Variants in PLXNA2 observed in about 807,000 individuals in gnomAD.
PLXNA2 encodes the protein plexin A2, also known as plexin-A2.
In PLXNA2, 91 loss-of-function variants were observed where a neutral mutation model predicts 193.5. That is an observed-to-expected ratio of 0.47 (90% confidence interval 0.40 to 0.56). The LOEUF (loss-of-function observed/expected upper bound fraction) is 0.56. Ranked by LOEUF, PLXNA2 falls within the 20% of genes least tolerant of loss-of-function variation. The probability of loss-of-function intolerance (pLI) is 0.00; values close to 1 mark genes in which losing one functional copy is unlikely to be tolerated. For missense variants in PLXNA2, 1,995 were observed against 2,503.2 expected (o/e 0.80, Z 4.33); for synonymous variants, 997 against 1,027.3 (o/e 0.97, Z 0.56).
At chr1:208,076,806 A>G (rs1325839033) in intron 12 of PLXNA2, among the ~76,000 whole-genome samples, 1 of 152,226 alleles carries the variant, frequency 6.6e-6, no homozygotes, top group Non-Finnish European at 1.5e-5. Context: ...GCAGAATATT[A>G]ATAAGGCACG....
chr1:208,057,806 G>A (rs570150585), intron 13 of PLXNA2, among the ~76,000 whole-genome samples: 5 of 152,188 alleles, frequency 3.3e-5, no homozygotes, highest in Non-Finnish European at 7.3e-5. Context: ...GGGGGCTTCC[G>A]GAGGCACCTT....
intron 12 of PLXNA2, among the ~76,000 whole-genome samples, chr1:208,072,030 G>A (rs777841725): frequency 8.5e-5 from 13 of 152,214 alleles, no homozygotes; most frequent in Non-Finnish European, 1.3e-4. Flanking sequence ...TTGTGAAAGT[G>A]GAGAACAGGA....
intron 28 of PLXNA2, 88 bp downstream of exon 28, chr1:208,033,231 C>T: frequency 3.2e-6 from 4 of 1,257,496 alleles, no homozygotes; most frequent in Non-Finnish European, 4.6e-6. Flanking sequence ...TCTTGAAGGA[C>T]ACACTCCAGA....
At chr1:208,075,268 C>T (rs190931620) in intron 12 of PLXNA2, among the ~76,000 whole-genome samples, 1 of 151,600 alleles carries the variant, frequency 6.6e-6, no homozygotes, top group Non-Finnish European at 1.5e-5. Flanking sequence ...CAAGATCACA[C>T]CACTGCACTT....
chr1:208,096,948 C>T, intron 6 of PLXNA2, 65 bp from the exon 7 acceptor site: 2 of 1,501,318 alleles, frequency 1.3e-6, no homozygotes, highest in Non-Finnish European at 1.8e-6. Flanking sequence ...CCAGGTCCAG[C>T]CCTGCTGTGA....
chr1:208,053,591 A>G (rs990975797), intron 14 of PLXNA2, among the ~76,000 whole-genome samples: 2 of 152,184 alleles, frequency 1.3e-5, no homozygotes, highest in African/African-American at 4.8e-5. Flanking sequence ...TGCTCCAAAG[A>G]TTTTTTAAAA....
At chr1:208,227,218 C>G (rs1449993566) in intron 1 of PLXNA2, among the ~76,000 whole-genome samples, 1 of 152,148 alleles carries the variant, frequency 6.6e-6, no homozygotes, top group Non-Finnish European at 1.5e-5. Context: ...ACTAGCAACT[C>G]TCACTTATTT....
At chr1:208,162,748 G>A (rs115603716) in intron 3 of PLXNA2, among the ~76,000 whole-genome samples, 4,380 of 152,186 alleles carry the variant, frequency 0.029, 221 homozygotes, top group African/African-American at 0.095. Flanking sequence ...CTGTATGCCT[G>A]ATGAAGAAAG....
chr1:208,070,739 G>GACA (rs761468109), intron 12 of PLXNA2, among the ~76,000 whole-genome samples: 203 of 152,334 alleles, frequency 1.3e-3, no homozygotes, highest in Non-Finnish European at 2.5e-3. Flanking sequence ...TCTGTAAAAT[G>GACA]GGTCTAATGA....
At chr1:208,118,706 G>A (rs746222793) in intron 4 of PLXNA2, among the ~76,000 whole-genome samples, 6 of 152,010 alleles carry the variant, frequency 3.9e-5, no homozygotes, top group Non-Finnish European at 8.8e-5. Flanking sequence ...GTCACAGAGA[G>A]GGGAACCTGG....
chr1:208,121,621 G>A (rs1233816694), intron 4 of PLXNA2, among the ~76,000 whole-genome samples: 1 of 152,104 alleles, frequency 6.6e-6, no homozygotes, highest in Admixed American at 6.5e-5. Context: ...CACCATGATT[G>A]TAAGTTTCCT....
intron 2 of PLXNA2, among the ~76,000 whole-genome samples, chr1:208,213,935 G>C (rs1671044064): frequency 6.6e-6 from 1 of 152,218 alleles, no homozygotes. Context: ...CTCTGGAGCA[G>C]AGAAGAGTGT....
intron 1 of PLXNA2, among the ~76,000 whole-genome samples, chr1:208,229,380 G>T (rs1558256586): frequency 6.6e-6 from 1 of 152,158 alleles, no homozygotes; most frequent in South Asian, 2.1e-4. Flanking sequence ...TCCGTGCAGG[G>T]CTAGCATGAT....
At chr1:208,068,565 T>C (rs1665870576) in intron 12 of PLXNA2, among the ~76,000 whole-genome samples, 1 of 152,218 alleles carries the variant, frequency 6.6e-6, no homozygotes, top group African/African-American at 2.4e-5. Flanking sequence ...TTCTGTGGAC[T>C]CTCGGATTTC....
intron 4 of PLXNA2, among the ~76,000 whole-genome samples, chr1:208,133,024 G>A (rs1332010317): frequency 1.3e-5 from 2 of 152,136 alleles, no homozygotes; most frequent in East Asian, 3.8e-4. Context: ...ATTCGGCTTG[G>A]TATACCCTTT....
At chr1:208,204,743 C>T (rs1005010628) in intron 3 of PLXNA2, among the ~76,000 whole-genome samples, 6 of 152,166 alleles carry the variant, frequency 3.9e-5, no homozygotes, top group African/African-American at 1.4e-4. Flanking sequence ...AAGGAAGGCC[C>T]CTGCCCTCAA....
chr1:208,192,929 A>T (rs1188428115), intron 3 of PLXNA2, among the ~76,000 whole-genome samples: 4 of 151,698 alleles, frequency 2.6e-5, no homozygotes, highest in African/African-American at 9.7e-5. Flanking sequence ...CATTAGACAA[A>T]GGGTCTTAAT....
At chr1:208,196,120 G>A (rs1250134017) in intron 3 of PLXNA2, among the ~76,000 whole-genome samples, 1 of 152,122 alleles carries the variant, frequency 6.6e-6, no homozygotes, top group Non-Finnish European at 1.5e-5. Context: ...CCATGAACTT[G>A]CCCAACATCA....
At position 208,054,638 on chromosome 1, in the gene PLXNA2, C is replaced by T. The variant is rs1488699618; in HGVS notation, c.2739-100G>A. The T allele has an allele frequency of 1.6e-5, 13 of 807,932 alleles. No individual in the cohort carries two copies. In the Admixed American group the frequency reaches 2.4e-4, roughly 15 times the overall value. 50.0% of individuals were successfully genotyped at this position (807,932 alleles called of 1,614,324 possible). On this transcript the variant is annotated intron_variant, in intron 13 of 31. Transcript: ENST00000367033. ...TGGCAAATGACTCATCACAGTCTTG[C>T]AATAATGCCAGACCAAGACTCAGCT...
Sources: allele counts gnomAD v4.1 joint callset (sites outside exome capture counted in the v4.1 genomes callset), GRCh38; gene constraint gnomAD v4.1.1; transcripts MANE v1.5; gene names NCBI Gene and HGNC (gene_info 2026-07-23, HGNC 2026-07-21).